MAST4: variants seen among roughly 807,000 people sequenced by gnomAD.
The protein encoded by MAST4 is microtubule-associated serine/threonine-protein kinase 4.
In MAST4, 89 loss-of-function variants were observed where a neutral mutation model predicts 162.7. The ratio of observed to expected loss-of-function variants is 0.55; its 90% confidence interval spans 0.46 to 0.65. MAST4 has a LOEUF of 0.65. Ranked by LOEUF, MAST4 falls within the 30% of genes least tolerant of loss-of-function variation. The pLI, the probability that MAST4 is intolerant of heterozygous loss-of-function variation, is 0.00. For synonymous variants in MAST4, 1,479 were observed against 1,361.1 expected (o/e 1.09, Z -1.91); for missense variants, 3,153 against 3,374.0 (o/e 0.93, Z 1.62).
At chr5:66,645,598 A>G (rs1228275674) in intron 1 of MAST4, among the ~76,000 whole-genome samples, 3 of 152,196 alleles carry the variant, frequency 2.0e-5, no homozygotes, top group Non-Finnish European at 4.4e-5. Context: ...AAGGTATTTT[A>G]TGCTTTAATT....
At chr5:66,599,837 G>A (rs1579953845) in intron 1 of MAST4, among the ~76,000 whole-genome samples, 4 of 152,244 alleles carry the variant, frequency 2.6e-5, no homozygotes, top group African/African-American at 9.6e-5. Flanking sequence ...GCATTAAAAG[G>A]CTTGTGTGCA....
intron 1 of MAST4, among the ~76,000 whole-genome samples, chr5:66,603,708 G>C (rs1477752502): frequency 6.6e-6 from 1 of 152,158 alleles, no homozygotes; most frequent in African/African-American, 2.4e-5. Flanking sequence ...TGGTTTTTAA[G>C]ACAAAAATGC....
chr5:66,905,670 T>G (rs1763311521), intron 4 of MAST4, among the ~76,000 whole-genome samples: 1 of 152,184 alleles, frequency 6.6e-6, no homozygotes, highest in Non-Finnish European at 1.5e-5. Context: ...GCATCATGCA[T>G]TTTCAGGAAA....
chr5:66,889,565 A>G (rs1330920339), intron 3 of MAST4, among the ~76,000 whole-genome samples: 1 of 152,186 alleles, frequency 6.6e-6, no homozygotes, highest in Non-Finnish European at 1.5e-5. Flanking sequence ...GAATTTTCAA[A>G]TGTATTCACA....
chr5:67,083,318 C>T (rs147009840), intron 5 of MAST4, among the ~76,000 whole-genome samples: 3 of 152,216 alleles, frequency 2.0e-5, no homozygotes, highest in African/African-American at 7.2e-5. Flanking sequence ...TCATGTCTAC[C>T]AGAGGCAAAC....
At chr5:66,658,883 A>C (rs1746721171) in intron 1 of MAST4, among the ~76,000 whole-genome samples, 1 of 152,106 alleles carries the variant, frequency 6.6e-6, no homozygotes, top group Admixed American at 6.5e-5. Context: ...TTAGCTGGGC[A>C]TGGTGTTGCA....
intron 5 of MAST4, among the ~76,000 whole-genome samples, chr5:67,075,546 G>A (rs1761537345): frequency 6.6e-6 from 1 of 151,858 alleles, no homozygotes; most frequent in African/African-American, 2.4e-5. Context: ...GTTAATTAAT[G>A]TAAAATATTA....
At chr5:66,944,253 A>G (rs1218074735) in intron 4 of MAST4, among the ~76,000 whole-genome samples, 1 of 152,140 alleles carries the variant, frequency 6.6e-6, no homozygotes, top group Admixed American at 6.6e-5. Context: ...GAATTGCCTT[A>G]TATGATAAAC....
intron 1 of MAST4, among the ~76,000 whole-genome samples, chr5:66,605,848 G>A (rs1742848436): frequency 6.6e-6 from 1 of 152,132 alleles, no homozygotes; most frequent in Non-Finnish European, 1.5e-5. Flanking sequence ...TATCGTTTTT[G>A]TTTTCAAGAT....
chr5:66,861,855 T>C (rs1307919707), intron 3 of MAST4, among the ~76,000 whole-genome samples: 1 of 152,210 alleles, frequency 6.6e-6, no homozygotes, highest in Non-Finnish European at 1.5e-5. Context: ...GATGTGATTA[T>C]TGTTGTGTTA....
At chr5:66,666,470 A>G (rs1035607714) in intron 1 of MAST4, among the ~76,000 whole-genome samples, 12 of 152,230 alleles carry the variant, frequency 7.9e-5, no homozygotes, top group Non-Finnish European at 1.6e-4. Flanking sequence ...GGTATGCCCC[A>G]AATAAAATGG....
chr5:66,694,116 C>T (rs561325638), intron 1 of MAST4, among the ~76,000 whole-genome samples: 2 of 152,276 alleles, frequency 1.3e-5, no homozygotes, highest in African/African-American at 4.8e-5. Context: ...GCATCAGAAT[C>T]GTCAGGGAGC....
chr5:66,650,681 C>T (rs1746160353), intron 1 of MAST4, among the ~76,000 whole-genome samples: 1 of 152,066 alleles, frequency 6.6e-6, no homozygotes, highest in South Asian at 2.1e-4. Flanking sequence ...CAAACTGGCT[C>T]CAGTATATCA....
At chr5:67,060,017 T>C (rs1195964945) in intron 5 of MAST4, among the ~76,000 whole-genome samples, 1 of 152,144 alleles carries the variant, frequency 6.6e-6, no homozygotes, top group Non-Finnish European at 1.5e-5. Flanking sequence ...CAACCACCCA[T>C]GGGGCTTTGA....
chr5:66,909,087 A>C (rs528793669), intron 4 of MAST4, among the ~76,000 whole-genome samples: 1 of 152,288 alleles, frequency 6.6e-6, no homozygotes, highest in East Asian at 1.9e-4. Context: ...AAAAGACCAC[A>C]AAGTAGGCTG....
chr5:67,088,322 G>A (rs1763475398), intron 5 of MAST4, among the ~76,000 whole-genome samples: 1 of 152,166 alleles, frequency 6.6e-6, no homozygotes, highest in African/African-American at 2.4e-5. Context: ...AAGTGTAGCA[G>A]GGATTGTTCT....
At chr5:66,745,780 G>A (rs1752719914) in intron 1 of MAST4, among the ~76,000 whole-genome samples, 1 of 152,308 alleles carries the variant, frequency 6.6e-6, no homozygotes, top group African/African-American at 2.4e-5. Flanking sequence ...AGTGTCCCAA[G>A]GAAGATGACT....
intron 1 of MAST4, among the ~76,000 whole-genome samples, chr5:66,718,164 GTT>G (rs141339021): frequency 2.0e-5 from 3 of 147,178 alleles, no homozygotes; most frequent in Admixed American, 6.7e-5. Context: ...AAACCAGTGG[GTT>G]TTTTTTTCTT....
chr5:66,618,604 G>A lies in MAST4; in HGVS notation c.363+21586G>A, dbSNP rs139000703. Reference sequence around the variant, plus strand: ...ATTACAGAACTAAACACTTCCCTCTGTATTGAAGGGAGACAGACACGCTGG... The same window carrying A: ...ATTACAGAACTAAACACTTCCCTCTATATTGAAGGGAGACAGACACGCTGG... On this transcript the variant is annotated intron_variant, in intron 1 of 28. Coordinates refer to ENST00000403625, the MANE Select transcript of MAST4 (RefSeq NM_001164664.2). 5.5e-3 allele frequency among the ~76,000 whole-genome samples: 838 copies of A among 152,264 alleles called. 1 individual carries two copies. The highest frequency in any genetic ancestry group is 0.017 in the South Asian group (80 of 4,828).
Sources: gnomAD v4.1 joint callset for allele counts (sites outside exome capture counted in the v4.1 genomes callset) on GRCh38, gnomAD v4.1.1 for gene constraint, MANE v1.5 for transcripts, NCBI Gene and HGNC (gene_info 2026-07-23, HGNC 2026-07-21) for gene names.